The following NOXO1 variants were observed in gnomAD, a reference collection of about 807,000 sequenced individuals.
NOXO1 encodes the protein NADPH oxidase organizer 1.
In NOXO1, 38 loss-of-function variants were observed where a neutral mutation model predicts 33.3. The ratio of observed to expected loss-of-function variants is 1.14; its 90% confidence interval spans 0.88 to 1.50. The LOEUF (loss-of-function observed/expected upper bound fraction) is 1.50, where lower values mean the gene tolerates loss of function less well. Ranked by LOEUF, NOXO1 falls within the 40% of genes most tolerant of loss-of-function variation. NOXO1 has a pLI of 0.00. For missense variants in NOXO1, 675 were observed against 527.1 expected (o/e 1.28, Z -2.75); for synonymous variants, 302 against 237.3 (o/e 1.27, Z -2.51).
rs1317235864 is a variant in NOXO1 at position 1,980,727 on chromosome 16, G to A, written c.152C>T (p.Thr51Ile). 6.3e-7 allele frequency: 1 copy of A among 1,599,078 alleles called. No individual in the cohort carries two copies. Among genetic ancestry groups the A allele is most frequent in the South Asian group, 1.1e-5 (1 of 88,948 alleles). Residue 51 changes from threonine to isoleucine, a missense_variant, in exon 3 of 8, where the codon ACC becomes ATC. Transcript: ENST00000356120. ...CTCCACCGGGAAGGTCTCCTTGAGG[G>A]TCTTCTGAGGGCGGGAACCAGGGCA... is the stretch of plus-strand genomic sequence containing the variant. Reference protein sequence around the residue: ...SWDEFRQLKKTLKETFPVEAG... With the variant: ...SWDEFRQLKKILKETFPVEAG...
intron 5 of NOXO1, 35 bp downstream of exon 5, chr16:1,979,962 G>C: frequency 6.3e-7 from 1 of 1,579,332 alleles, no homozygotes; most frequent in Non-Finnish European, 8.6e-7. Flanking sequence ...TCCAGGAGCA[G>C]AGGAGCAAAT....
rs2083481514 is a variant in NOXO1 at position 1,980,484 on chromosome 16, A to G, written c.284T>C (p.Leu95Ser). 1 of 1,602,606 alleles carries G rather than the reference A, an allele frequency of 6.2e-7. No homozygotes were observed. Among genetic ancestry groups the G allele is most frequent in the Non-Finnish European group, 8.5e-7 (1 of 1,179,764 alleles). The change falls in exon 4 of 8, where the codon TTG (leucine) becomes TCG (serine). Residue 95 changes from leucine (L) to serine (S), a missense_variant. Transcript: ENST00000356120. ...TSRGLARLQL[L>S]ETYSRRLLAT... ...CAGCAGCCTCCGAGAATAGGTTTCC[A>G]ACAGCTGCAGGCGCGCCAGGCCGCG...
Position 1,979,099 on chromosome 16 carries a change from G to A in NOXO1, c.1069C>T (p.Pro357Ser), listed in dbSNP as rs768273628. ...LERRPRRQGR[P>S]RGCVDSVPHP... ...GGCACAGAGTCCACGCACCCTCGAG[G>A]GCGGCCCTGGCGCCGTGGGCGCCGC... The change falls in exon 8 of 8, where the codon CCT (proline) becomes TCT (serine). Residue 357 changes from proline to serine, a missense_variant. By Grantham distance (74) the Pro-to-Ser change is moderately conservative (BLOSUM62 -1). Coordinates refer to ENST00000356120, the MANE Select transcript of NOXO1 (RefSeq NM_172167.3). 67 of 1,500,462 alleles carry A rather than the reference G, an allele frequency of 4.5e-5. No individual in the cohort carries two copies. The Admixed American group carries it at 4.8e-4, about 11-fold the overall frequency. 92.9% of individuals were successfully genotyped at this position (1,500,462 alleles called of 1,614,324 possible). A position where few individuals can be genotyped will look rare whatever the true frequency, so the allele number is the denominator to read the frequency against.
In NOXO1 at chr16:1,980,503, G is replaced by T. The variant is rs762995124; in HGVS notation, c.265C>A (p.Leu89Met). The change falls in exon 4 of 8, where the codon CTG (leucine) becomes ATG (methionine). Residue 89 changes from leucine to methionine, a missense_variant. Transcript: ENST00000356120. ...GTTTCCAACAGCTGCAGGCGCGCCA[G>T]GCCGCGGCTCGTGCGCCCCACGCGT... ...LGRVGRTSRG[L>M]ARLQLLETYS... The T allele has an allele frequency of 2.5e-6, 4 of 1,603,330 alleles. No individual in the cohort carries two copies. The South Asian group carries it at 4.4e-5, about 18-fold the overall frequency.
In NOXO1 at chr16:1,980,559, A is replaced by G; in HGVS notation, c.224-15T>C. On this transcript the variant is annotated splice_polypyrimidine_tract_variant and intron_variant, in intron 3 of 7. Transcript: ENST00000356120. ...CAGTGGTGCATCTTAAGGCACCACAAAAACGTACTGTGATACGCCGCTTTG... is the reference window on the plus strand; with the variant it reads ...CAGTGGTGCATCTTAAGGCACCACAGAAACGTACTGTGATACGCCGCTTTG... The G allele has an allele frequency of 1.9e-6, 3 of 1,599,708 alleles. No homozygotes were observed. The highest frequency in any genetic ancestry group is 2.6e-6 in the Non-Finnish European group (3 of 1,173,244).
rs1029833492 is a variant in NOXO1 at position 1,979,201 on chromosome 16, G to A, written c.967C>T (p.Pro323Ser). ...GAAGGTCGGGTGGGCACGGTGGGGG[G>A]AGGGGCGGTGGCCTGGGAGGGTTCA... The part of the protein sequence containing the change: ...FPEPSQATAP[P>S]PTVPTRPSPG... Residue 323 changes from proline (P) to serine (S), a missense_variant, in exon 8 of 8, where the codon CCC (proline) becomes TCC (serine). Transcript: ENST00000356120. 6.8e-7 allele frequency: 1 copy of A among 1,464,624 alleles called. No individual in the cohort carries two copies. The highest frequency in any genetic ancestry group is 9.0e-7 in the Non-Finnish European group (1 of 1,115,980). 90.7% of individuals were successfully genotyped at this position (1,464,624 alleles called of 1,614,324 possible). A position where few individuals can be genotyped will look rare whatever the true frequency, so the allele number is the denominator to read the frequency against.
intron 4 of NOXO1, 92 bp from the exon 5 acceptor site, chr16:1,980,273 C>G: frequency 6.6e-7 from 1 of 1,517,258 alleles, no homozygotes; most frequent in Non-Finnish European, 8.8e-7. Flanking sequence ...GCCTCCCACT[C>G]TCTGCCCCTA....
At chr16:1,980,911 G>A (rs994967498) in intron 2 of NOXO1, 28 bp downstream of exon 2, 2 of 1,599,272 alleles carry the variant, frequency 1.3e-6, no homozygotes, top group Non-Finnish European at 1.7e-6. Flanking sequence ...CCGCCACCGC[G>A]GCATCAGGGT....
At position 1,980,499 on chromosome 16, in the gene NOXO1, G is replaced by T. The variant is rs1248495474; in HGVS notation, c.269C>A (p.Ala90Glu). 1 of 1,602,908 alleles carries T rather than the reference G, an allele frequency of 6.2e-7. No homozygotes were observed. Residue 90 changes from alanine (A) to glutamate (E), a missense_variant, in exon 4 of 8, where the codon GCG (alanine) becomes GAG (glutamate). Physicochemically the swap from Ala to Glu is moderately radical, Grantham distance 107 (BLOSUM62 -1). Transcript: ENST00000356120. ...GRVGRTSRGL[A>E]RLQLLETYSR... ...ATAGGTTTCCAACAGCTGCAGGCGC[G>T]CCAGGCCGCGGCTCGTGCGCCCCAC...
rs1408643468 is a variant in NOXO1, at chr16:1,980,468, C to T, written c.300G>A (p.Arg100=). 1 of 1,602,214 alleles carries T rather than the reference C, an allele frequency of 6.2e-7. No individual in the cohort carries two copies. Among genetic ancestry groups the T allele is most frequent in the Non-Finnish European group, 8.5e-7 (1 of 1,179,854 alleles). The change falls in exon 4 of 8, where the codon CGG becomes CGA. Residue 100 remains arginine (R), a synonymous_variant. Transcript: ENST00000356120. ...CGCGCTCTGCAGTCGCCAGCAGCCT[C>T]CGAGAATAGGTTTCCAACAGCTGCA... ...ARLQLLETYS[R]RLLATAERVA... is the part of the protein sequence containing the mutation.
Position 1,980,098 on chromosome 16 carries a change from C to G in NOXO1, c.485G>C (p.Ser162Thr), listed in dbSNP as rs774688908. 11 of 1,607,790 alleles carry G rather than the reference C, an allele frequency of 6.8e-6. No homozygotes were observed. The highest frequency in any genetic ancestry group is 3.4e-5 in the Admixed American group (2 of 59,330). The change falls in exon 5 of 8, where the codon AGC becomes ACC. Residue 162 changes from serine to threonine, a missense_variant. Physicochemically the swap from Ser to Thr is moderately conservative, Grantham distance 58. Coordinates refer to ENST00000356120, the MANE Select transcript of NOXO1 (RefSeq NM_172167.3). ...RLSIHSLEAQ[S>T]LRCLQPFCTQ... ...ACAGAAGGGCTGCAGGCAGCGCAGG[C>G]TCTGAGCCTCCAGACTGTGGATGGA...
Position 1,981,360 on chromosome 16 carries a change from C to G in NOXO1, c.-181G>C. On this transcript the variant is annotated 5_prime_UTR_variant, in exon 1 of 8. Coordinates refer to ENST00000356120, the MANE Select transcript of NOXO1 (RefSeq NM_172167.3). ...GTCCTTTGCAGCTTTCTTGCTGTCC[C>G]CCAAGCCCACGATCTGGGGGCAGGA... is the stretch of plus-strand genomic sequence containing the variant. 4 of 1,412,956 alleles carry G rather than the reference C, an allele frequency of 2.8e-6. No homozygotes were observed. The highest frequency in any genetic ancestry group is 3.7e-6 in the Non-Finnish European group (4 of 1,079,986). The allele number at this position is 1,412,956 out of a possible 1,614,324, so 87.5% of individuals were successfully genotyped here.
Position 1,979,487 on chromosome 16 carries a change from G to T in NOXO1, c.756C>A (p.Ser252=), listed in dbSNP as rs778501814. Residue 252 remains serine (S), a synonymous_variant, in exon 7 of 8, where the codon TCC becomes TCA. Transcript: ENST00000356120. The part of the protein sequence containing the change: ...AYESSRADEL[S]VPAGARVRVL... ...CGCGCACGCGCGCCCCCGCGGGCAC[G>T]GACAGCTCATCTGCGCGGCTGCTCT... is the stretch of plus-strand genomic sequence containing the variant. The T allele has an allele frequency of 6.2e-7, 1 of 1,612,032 alleles. No individual in the cohort carries two copies. Among genetic ancestry groups the T allele is most frequent in the Non-Finnish European group, 8.5e-7 (1 of 1,179,568 alleles).
rs1286441165 is a variant in NOXO1, at chr16:1,979,944, C to A, written c.587-41G>T. The A allele has an allele frequency of 3.8e-6, 6 of 1,577,000 alleles. No individual in the cohort carries two copies. In the Admixed American group the frequency reaches 7.3e-5, roughly 19 times the overall value. Reference sequence around the variant, plus strand: ...GGGCAGGGACTCAAATCTCGAGGCTCCCTCGGGTCCAGGAGCAGAGGAGCA... The same window carrying A: ...GGGCAGGGACTCAAATCTCGAGGCTACCTCGGGTCCAGGAGCAGAGGAGCA... On this transcript the variant is annotated intron_variant, in intron 5 of 7. Transcript: ENST00000356120.
chr16:1,979,380 G>C (rs965965755), intron 7 of NOXO1, 31 bp from the exon 8 acceptor site: 3 of 1,589,760 alleles, frequency 1.9e-6, no homozygotes, highest in Admixed American at 1.7e-5. Flanking sequence ...TTAGGGCCCC[G>C]CCCGCCTCGG....
rs1408209405 is a variant in NOXO1 at position 1,980,177 on chromosome 16, C to A, written c.406G>T (p.Val136Leu). ...TGCTCCTCTGGGGTGGGCAGGATCA[C>A]CCGGCTGGGAAGGGCAGCCCGTACG... ...LEPALPPGSR[V>L]ILPTPEEQPL... The change falls in exon 5 of 8, where the codon GTG (valine) becomes TTG (leucine). Residue 136 changes from valine to leucine, a missense_variant. Val to Leu is a conservative substitution (Grantham distance 32). Transcript: ENST00000356120. 15 of 1,598,642 alleles carry A rather than the reference C, an allele frequency of 9.4e-6. No homozygotes were observed. The highest frequency in any genetic ancestry group is 3.5e-5 in the Admixed American group (2 of 57,830).
chr16:1,979,942 C>A lies in NOXO1; in HGVS notation c.587-39G>T, dbSNP rs754232606. 1.8e-5 allele frequency: 29 copies of A among 1,576,152 alleles called. 1 individual carries two copies. The South Asian group carries it at 3.3e-4, about 18-fold the overall frequency. ...GCGGGCAGGGACTCAAATCTCGAGG[C>A]TCCCTCGGGTCCAGGAGCAGAGGAG... On this transcript the variant is annotated intron_variant, in intron 5 of 7. Coordinates refer to ENST00000356120, the MANE Select transcript of NOXO1 (RefSeq NM_172167.3).
Position 1,979,148 on chromosome 16 carries a change from G to A in NOXO1, c.1020C>T (p.Cys340=). 2.7e-6 allele frequency: 4 copies of A among 1,467,068 alleles called. No individual in the cohort carries two copies. Among genetic ancestry groups the A allele is most frequent in the Non-Finnish European group, 3.6e-6 (4 of 1,120,290 alleles). 90.9% of individuals were successfully genotyped at this position (1,467,068 alleles called of 1,614,324 possible). A position where few individuals can be genotyped will look rare whatever the true frequency, so the allele number is the denominator to read the frequency against. ...GCTCCAGGGCCCTGCGTGTGACGGT[G>A]CAGCAGCGGCTCTGGATGGCGCCCG... ...PSPGAIQSRC[C]TVTRRALERR... The change falls in exon 8 of 8, where the codon TGC becomes TGT. Residue 340 remains cysteine, a synonymous_variant. Transcript: ENST00000356120.
chr16:1,980,544 T>C lies in NOXO1; in HGVS notation c.224A>G (p.Asp75Gly). The stretch of plus-strand genomic sequence containing the variant: ...CCCCACGCGTCCCAACAGTGGTGCA[T>C]CTTAAGGCACCACAAAAACGTACTG... ...RSDRVLPKLL[D>G]APLLGRVGRT... is the part of the protein sequence containing the mutation. Residue 75 changes from aspartate (D) to glycine (G), a missense_variant and splice_region_variant, in exon 4 of 8, where the codon GAT (aspartate) becomes GGT (glycine). Asp to Gly is a moderately conservative substitution (Grantham distance 94, BLOSUM62 -1). Transcript: ENST00000356120. The C allele has an allele frequency of 6.2e-7, 1 of 1,601,108 alleles. No individual in the cohort carries two copies. Among genetic ancestry groups the C allele is most frequent in the East Asian group, 2.2e-5 (1 of 44,702 alleles).
Sources: gnomAD v4.1 joint callset for allele counts on GRCh38, gnomAD v4.1.1 for gene constraint, MANE v1.5 for transcripts, NCBI Gene and HGNC (gene_info 2026-07-23, HGNC 2026-07-21) for gene names.